SMCO2: variants seen among roughly 807,000 people sequenced by gnomAD.
SMCO2 encodes single-pass membrane and coiled-coil domain-containing protein 2.
In SMCO2, 25 loss-of-function variants were observed where a neutral mutation model predicts 29.5. The ratio of observed to expected loss-of-function variants is 0.85; its 90% CI spans 0.62 to 1.18. The LOEUF (loss-of-function observed/expected upper bound fraction) is 1.18, where lower values mean the gene tolerates loss of function less well. SMCO2 is among the 50% of genes most tolerant of loss of function. SMCO2 has a pLI of 0.00. For synonymous variants in SMCO2, 117 were observed against 123.3 expected, an observed-to-expected ratio of 0.95 and a Z score of 0.34; for missense variants, 348 against 344.5, an observed-to-expected ratio of 1.01 and a Z score of -0.08.
intron 4 of SMCO2, among the ~76,000 whole-genome samples, chr12:27,483,909 T>A (rs1265546325): frequency 6.6e-6 from 1 of 152,204 alleles, no homozygotes; most frequent in African/African-American, 2.4e-5. Context: ...CCATGATACG[T>A]CAGGGGTTTT....
At position 27,488,470 on chromosome 12, in the gene SMCO2, G is replaced by A. The variant is rs1381421164; in HGVS notation, c.373G>A (p.Asp125Asn). The A allele has an allele frequency of 2.0e-6, 3 of 1,532,974 alleles. No homozygotes were observed. Among genetic ancestry groups the A allele is most frequent in the East Asian group, 2.5e-5 (1 of 39,986 alleles). The allele number at this position is 1,532,974 out of a possible 1,614,324, so 95.0% of individuals were successfully genotyped here. A position where few individuals can be genotyped will look rare whatever the true frequency, so the allele number is the denominator to read the frequency against. ...TTGGTCTGTTTGCAGCTTATTAAAA[G>A]ACATGCTGACCCTGAAGGGTCAAAT... Residue 125 changes from aspartate to asparagine, a missense_variant, in exon 5 of 8, where the codon GAC becomes AAC. Transcript: ENST00000298876.
chr12:27,432,491 G>A, the SMCO2 span, among the ~76,000 whole-genome samples: 17 of 152,288 alleles, frequency 1.1e-4, no homozygotes, highest in East Asian at 3.1e-3. Flanking sequence ...GTAAATATGA[G>A]AGGCTAATTT....
chr12:27,479,856 T>C (rs1592209769), intron 4 of SMCO2, among the ~76,000 whole-genome samples: 1 of 151,676 alleles, frequency 6.6e-6, no homozygotes, highest in African/African-American at 2.4e-5. Context: ...CATTAAAAAG[T>C]CTTTCCTTCA....
chr12:27,494,147 A>G (rs759498968), intron 5 of SMCO2, 153 bp from the exon 7 acceptor site: 1 of 473,252 alleles, frequency 2.1e-6, no homozygotes, highest in Non-Finnish European at 3.8e-6. Context: ...TTATGATTAC[A>G]CTATGAATTT....
chr12:27,442,055 A>G, the SMCO2 span, among the ~76,000 whole-genome samples: 764 of 152,334 alleles, frequency 5.0e-3, 10 homozygotes, highest in Non-Finnish European at 6.6e-3. Context: ...ATGTGATACA[A>G]CAAAAGCAGT....
exon 7 of SMCO2, chr12:27,495,687 G>T (rs1322092840): frequency 6.8e-7 from 1 of 1,464,856 alleles, no homozygotes; most frequent in East Asian, 2.5e-5. Context: ...CAGGACCTTT[G>T]CAAGAATGTG....
the SMCO2 span, among the ~76,000 whole-genome samples, chr12:27,435,734 C>G: frequency 2.6e-5 from 4 of 151,984 alleles, no homozygotes. Context: ...TGGGTCAGTT[C>G]AGCTCTCTGG....
the SMCO2 span, among the ~76,000 whole-genome samples, chr12:27,440,815 A>C: frequency 3.3e-5 from 5 of 152,322 alleles, no homozygotes; most frequent in East Asian, 3.9e-4. Flanking sequence ...AAAAAGCAAC[A>C]ATTTAAAATA....
chr12:27,442,614 T>G, the SMCO2 span, among the ~76,000 whole-genome samples: 1 of 152,214 alleles, frequency 6.6e-6, no homozygotes, highest in Non-Finnish European at 1.5e-5. Context: ...ACCATTGATT[T>G]ATTTATTTTT....
At chr12:27,452,913 T>C in the SMCO2 span, among the ~76,000 whole-genome samples, 1 of 152,204 alleles carries the variant, frequency 6.6e-6, no homozygotes, top group African/African-American at 2.4e-5. Flanking sequence ...AGGGACCACC[T>C]ACTATGGGCA....
chr12:27,445,873 C>T, the SMCO2 span, among the ~76,000 whole-genome samples: 2 of 151,928 alleles, frequency 1.3e-5, no homozygotes, highest in Non-Finnish European at 2.9e-5. Context: ...TAGAAGGTGG[C>T]CTTCTTTTTT....
the SMCO2 span, among the ~76,000 whole-genome samples, chr12:27,438,183 C>T: frequency 1.3e-5 from 2 of 152,186 alleles, no homozygotes; most frequent in Non-Finnish European, 2.9e-5. Context: ...TTGAATCTTC[C>T]TCCCTCAGCT....
intron 5 of SMCO2, among the ~76,000 whole-genome samples, chr12:27,492,253 T>G (rs1942926505): frequency 6.6e-6 from 1 of 152,248 alleles, no homozygotes; most frequent in African/African-American, 2.4e-5. Flanking sequence ...CGTTTTACTT[T>G]TTTTTCACTC....
At chr12:27,492,008 T>C in intron 5 of SMCO2, among the ~76,000 whole-genome samples, 1 of 152,136 alleles carries the variant, frequency 6.6e-6, no homozygotes, top group East Asian at 1.9e-4. Flanking sequence ...TGTGGCTGGT[T>C]GCATGCTTAT....
chr12:27,485,415 A>G (rs1328848555), intron 4 of SMCO2, among the ~76,000 whole-genome samples: 1 of 150,370 alleles, frequency 6.7e-6, no homozygotes, highest in East Asian at 1.9e-4. Flanking sequence ...CTATCATCTA[A>G]TCATTTTTAA....
At chr12:27,479,695 A>T (rs449900) in intron 4 of SMCO2, among the ~76,000 whole-genome samples, 18,304 of 152,062 alleles carry the variant, frequency 0.12, 2,129 homozygotes, top group African/African-American at 0.28. Flanking sequence ...CTTGTGATAG[A>T]GAATAAGTTC....
chr12:27,497,841 T>C, intron 7 of SMCO2: 1 of 272,920 alleles, frequency 3.7e-6, no homozygotes. Context: ...TATCTCTGGG[T>C]GAACAGTGGA....
At chr12:27,445,502 A>T in the SMCO2 span, among the ~76,000 whole-genome samples, 1 of 152,244 alleles carries the variant, frequency 6.6e-6, no homozygotes, top group Non-Finnish European at 1.5e-5. Context: ...TCAATAATTC[A>T]TATCACAGCC....
At chr12:27,459,344 C>T in the SMCO2 span, among the ~76,000 whole-genome samples, 1 of 152,062 alleles carries the variant, frequency 6.6e-6, no homozygotes, top group African/African-American at 2.4e-5. Flanking sequence ...AGCTGGAGGC[C>T]ATTATCCTAT....
Sources: gnomAD v4.1 joint callset for allele counts (sites outside exome capture counted in the v4.1 genomes callset) on GRCh38, gnomAD v4.1.1 for gene constraint, MANE v1.5 for transcripts, NCBI Gene and HGNC (gene_info 2026-07-23, HGNC 2026-07-21) for gene names.